ADGRL3: variants seen among roughly 807,000 people sequenced by gnomAD.
ADGRL3 encodes adhesion G protein-coupled receptor L3, also known as calcium-independent alpha-latrotoxin receptor 3.
Under a neutral mutation model 153.5 loss-of-function variants are expected in ADGRL3, and 62 were observed. The observed-to-expected ratio is 0.40, with a 90% CI of 0.33 to 0.50. The LOEUF (loss-of-function observed/expected upper bound fraction) is 0.50, where lower values mean the gene tolerates loss of function less well. ADGRL3 is among the 20% of genes least tolerant of loss of function. The probability of loss-of-function intolerance (pLI) is 0.47; values close to 1 mark genes in which losing one functional copy is unlikely to be tolerated. For missense variants in ADGRL3, 1,641 were observed against 1,859.4 expected, an observed-to-expected ratio of 0.88 and a Z score of 2.16; for synonymous variants, 710 against 672.5, an observed-to-expected ratio of 1.06 and a Z score of -0.86.
chr4:62,040,775 G>A (rs1025411404), intron 24 of ADGRL3, among the ~76,000 whole-genome samples: 15 of 151,970 alleles, frequency 9.9e-5, no homozygotes, highest in Admixed American at 8.5e-4. Context: ...GAGAGCTGAC[G>A]GAGAACAAAA....
chr4:61,906,252 C>T (rs1560354789), intron 11 of ADGRL3: 1 of 151,998 alleles, frequency 6.6e-6, no homozygotes, highest in Admixed American at 6.6e-5. Context: ...ATCCTGAAGA[C>T]TAATCTTAAC....
chr4:61,397,387 A>T (rs1287685795), intron 2 of ADGRL3, among the ~76,000 whole-genome samples: 1 of 151,948 alleles, frequency 6.6e-6, no homozygotes, highest in Non-Finnish European at 1.5e-5. Context: ...ATCCAGCCTT[A>T]AACACAAATA....
intron 9 of ADGRL3, among the ~76,000 whole-genome samples, chr4:61,832,249 AT>A (rs1554042217): frequency 6.6e-6 from 1 of 152,174 alleles, no homozygotes; most frequent in Non-Finnish European, 1.5e-5. Flanking sequence ...GCAAACATTA[AT>A]TTGTAAATGA....
Position 61,570,435 on chromosome 4 carries a change from C to A in ADGRL3, c.260-16792C>A, listed in dbSNP as rs553888838. 2.6e-5 allele frequency among the ~76,000 whole-genome samples: 4 copies of A among 152,182 alleles called. No individual in the cohort carries two copies. In the East Asian group the frequency reaches 7.7e-4, roughly 29 times the overall value. On this transcript the variant is annotated intron_variant, in intron 4 of 26. Coordinates refer to ENST00000683033, the MANE Select transcript of ADGRL3 (RefSeq NM_001387552.1). ...TGATTACAATTATCATCTTGTTATT[C>A]CTTCTACCATTGCCTCTTTCTAAAT...
At chr4:61,513,160 T>C (rs1256292433) in intron 3 of ADGRL3, among the ~76,000 whole-genome samples, 1 of 152,100 alleles carries the variant, frequency 6.6e-6, no homozygotes. Context: ...AATAGCTATT[T>C]GGGGGAATAA....
intron 1 of ADGRL3, among the ~76,000 whole-genome samples, chr4:61,294,890 C>T (rs1218579460): frequency 2.4e-5 from 1 of 41,426 alleles, no homozygotes; most frequent in Non-Finnish European, 5.5e-5. Flanking sequence ...ATTTTACACA[C>T]ACACACACAC....
intron 1 of ADGRL3, among the ~76,000 whole-genome samples, chr4:61,228,563 A>G (rs183982057): frequency 1.1e-4 from 17 of 152,330 alleles, no homozygotes; most frequent in Admixed American, 9.8e-4. Flanking sequence ...TTAAAACTAG[A>G]CTGAGAGGAC....
intron 5 of ADGRL3, among the ~76,000 whole-genome samples, chr4:61,675,616 GT>G (rs201562302): frequency 0.023 from 3,263 of 139,216 alleles, 89 homozygotes; most frequent in East Asian, 0.12. Context: ...TTGTATTCAT[GT>G]TTTTTTTTTC....
In ADGRL3 at chr4:62,077,499, T is replaced by C. The variant is rs1260549896; in HGVS notation, c.*6591T>C. The stretch of plus-strand genomic sequence containing the variant: ...AGGCAAAATGATCCTGACTTCAAAA[T>C]GAAATATATTGATTGCTCTCAAAAG... On this transcript the variant is annotated 3_prime_UTR_variant, in exon 27 of 27. Coordinates refer to ENST00000683033, the MANE Select transcript of ADGRL3 (RefSeq NM_001387552.1). 6.6e-6 allele frequency: 1 copy of C among 152,028 alleles called. No homozygotes were observed. Among genetic ancestry groups the C allele is most frequent in the African/African-American group, 2.4e-5 (1 of 41,446 alleles). The allele number at this position is 152,028 out of a possible 1,614,324, so 9.4% of individuals were successfully genotyped here. A position where few individuals can be genotyped will look rare whatever the true frequency, so the allele number is the denominator to read the frequency against.
At chr4:61,751,571 A>G (rs748963206) in intron 8 of ADGRL3, among the ~76,000 whole-genome samples, 1 of 152,162 alleles carries the variant, frequency 6.6e-6, no homozygotes, top group Non-Finnish European at 1.5e-5. Flanking sequence ...AAATAGTGAT[A>G]TAGTGGTGTG....
rs186528973 is a variant in ADGRL3 at position 61,467,491 on chromosome 4, A to T, written c.-173-29630A>T. On this transcript the variant is annotated intron_variant, in intron 2 of 26. Coordinates refer to ENST00000683033, the MANE Select transcript of ADGRL3 (RefSeq NM_001387552.1). ...TCAGATGTGGGTGTGTGTGTGTGTG[A>T]GAGAGAGAGAGAGAGATGAAGGGAG... 2.4e-3 allele frequency among the ~76,000 whole-genome samples: 360 copies of T among 148,700 alleles called. 2 individuals are homozygous for T. Among genetic ancestry groups the T allele is most frequent in the East Asian group, 0.01 (53 of 5,104 alleles).
At chr4:61,397,449 C>T (rs2096881638) in intron 2 of ADGRL3, among the ~76,000 whole-genome samples, 1 of 151,878 alleles carries the variant, frequency 6.6e-6, no homozygotes, top group South Asian at 2.1e-4. Flanking sequence ...AATATGAAAG[C>T]ACATGACCTT....
At chr4:61,605,980 A>G (rs982288652) in intron 5 of ADGRL3, among the ~76,000 whole-genome samples, 1 of 152,210 alleles carries the variant, frequency 6.6e-6, no homozygotes, top group Non-Finnish European at 1.5e-5. Context: ...GGGAGAGACG[A>G]CAAATACTTT....
intron 8 of ADGRL3, among the ~76,000 whole-genome samples, chr4:61,812,535 G>A (rs2097642174): frequency 6.6e-6 from 1 of 152,212 alleles, no homozygotes; most frequent in Non-Finnish European, 1.5e-5. Flanking sequence ...TAGTAAATGT[G>A]TGAAATATAT....
intron 8 of ADGRL3, among the ~76,000 whole-genome samples, chr4:61,749,695 T>A (rs2096726353): frequency 6.6e-6 from 1 of 150,544 alleles, no homozygotes; most frequent in African/African-American, 2.4e-5. Context: ...AACATCACAC[T>A]CTCGGGACTG....
chr4:61,714,256 T>C (rs1175196554), intron 6 of ADGRL3, among the ~76,000 whole-genome samples: 1 of 126,258 alleles, frequency 7.9e-6, no homozygotes, highest in Non-Finnish European at 1.8e-5. Flanking sequence ...CATTTTGCAG[T>C]AACAAAATTG....
chr4:61,617,892 T>TA (rs1311000484), intron 5 of ADGRL3, among the ~76,000 whole-genome samples: 3 of 152,206 alleles, frequency 2.0e-5, no homozygotes, highest in Non-Finnish European at 4.4e-5. Flanking sequence ...GACTGCTCTG[T>TA]AGCAAGGAAA....
At position 61,398,261 on chromosome 4, in the gene ADGRL3, A is replaced by G. The variant is rs181509514; in HGVS notation, c.-174+15072A>G. On this transcript the variant is annotated intron_variant, in intron 2 of 26. Transcript: ENST00000683033. ...TTGAAACTTTAAAAAGAAAAAAATG[A>G]TGATTTTTACTTTGAATTTGGGTGA... Among the ~76,000 whole-genome samples, 32 of 151,938 alleles carry G rather than the reference A, an allele frequency of 2.1e-4. No individual in the cohort carries two copies. The East Asian group carries it at 5.4e-3, about 26-fold the overall frequency.
chr4:62,006,028 ATATATT>A (rs1172373626), intron 21 of ADGRL3, among the ~76,000 whole-genome samples: 7 of 95,512 alleles, frequency 7.3e-5, no homozygotes, highest in African/African-American at 2.7e-4. Context: ...ATATATATAT[ATATATT>A]TTTTTTTTTT....
Sources: allele counts gnomAD v4.1 joint callset (sites outside exome capture counted in the v4.1 genomes callset), GRCh38; gene constraint gnomAD v4.1.1; transcripts MANE v1.5; gene names NCBI Gene and HGNC (gene_info 2026-07-23, HGNC 2026-07-21).